The following SPATA31A6 variants were observed in gnomAD, a reference collection of about 807,000 sequenced individuals.
SPATA31A6 encodes SPATA31 subfamily A member 6, also known as spermatogenesis-associated protein 31A6.
A neutral mutation model predicts 11.9 loss-of-function variants in SPATA31A6; 9 were observed. That is an observed-to-expected ratio of 0.76 (90% CI 0.46 to 1.32). The LOEUF is 1.32. SPATA31A6 is among the 40% of genes most tolerant of loss of function. The pLI is 0.00. For synonymous variants in SPATA31A6, 314 were observed against 572.1 expected (o/e 0.55, Z 6.44); for missense variants, 855 against 1,467.3 (o/e 0.58, Z 6.82).
chr9:42,184,931 G>C (rs1228520192), intron 1 of SPATA31A6, 138 bp from the exon 2 acceptor site: 2 of 1,422,174 alleles, frequency 1.4e-6, no homozygotes, highest in Non-Finnish European at 1.9e-6. Context: ...AGAGTCATGC[G>C]GTTCCTGAGT....
chr9:42,184,776 C>T (rs1343403894), intron 1 of SPATA31A6, among the ~76,000 whole-genome samples: 3 of 136,938 alleles, frequency 2.2e-5, no homozygotes, highest in Admixed American at 7.3e-5. Flanking sequence ...GATCAACCCA[C>T]CTTGGCCTCC....
In SPATA31A6 at chr9:42,187,378, A is replaced by C. The variant is rs764104139; in HGVS notation, c.1676A>C (p.Gln559Pro). The change falls in exon 4 of 4, where the codon CAA (glutamine) becomes CCA (proline). Residue 559 changes from glutamine (Q) to proline (P), a missense_variant. By Grantham distance (76) the Gln-to-Pro change is moderately conservative (BLOSUM62 -1). Coordinates refer to ENST00000332857, the MANE Select transcript of SPATA31A6 (RefSeq NM_001145196.1). Reference sequence around the variant, plus strand: ...AGGTTGGCTTTACCCTCTAGGGTCCAAAAATCTCAGGACGTCTTTAGTGTC... The same window carrying C: ...AGGTTGGCTTTACCCTCTAGGGTCCCAAAATCTCAGGACGTCTTTAGTGTC... Reference protein sequence around the residue: ...EGRLALPSRVQKSQDVFSVST... With the variant: ...EGRLALPSRVPKSQDVFSVST... The C allele has an allele frequency of 6.5e-6, 10 of 1,534,246 alleles. 2 individuals carry two copies. The South Asian group carries it at 1.2e-4, about 18-fold the overall frequency.
In SPATA31A6 at chr9:42,187,267, C is replaced by T. The variant is rs1258681889; in HGVS notation, c.1565C>T (p.Pro522Leu). Residue 522 changes from proline (P) to leucine (L), a missense_variant, in exon 4 of 4, where the codon CCT (proline) becomes CTT (leucine). Physicochemically the swap from Pro to Leu is moderately conservative, Grantham distance 98. Transcript: ENST00000332857. ...ATTAAGAACACTGGAGTAGCTTGCC[C>T]TGCATCGCAGAATAAAGTGCAAGCT... ...SLIKNTGVAC[P>L]ASQNKVQALS... is the part of the protein sequence containing the mutation. 4 of 1,542,064 alleles carry T rather than the reference C, an allele frequency of 2.6e-6. No homozygotes were observed. The highest frequency in any genetic ancestry group is 3.5e-5 in the Admixed American group (2 of 57,066).
chr9:42,185,557 G>T (rs1417142218), intron 2 of SPATA31A6, 138 bp from the exon 3 acceptor site: 23 of 1,116,132 alleles, frequency 2.1e-5, no homozygotes, highest in Non-Finnish European at 2.4e-5. Flanking sequence ...TAACGTCGGG[G>T]TCATGTGGCT....
chr9:42,189,370 A>C lies in SPATA31A6; in HGVS notation c.3668A>C (p.His1223Pro). Reference sequence around the variant, plus strand: ...AAGAAAATGTCACTTTGCCATGCGCACCATGCCTCGAAGGTAAATCAGCAC... The same window carrying C: ...AAGAAAATGTCACTTTGCCATGCGCCCCATGCCTCGAAGGTAAATCAGCAC... ...LDKKMSLCHAHHASKVNQHKQ... is the reference protein window; with the variant it reads ...LDKKMSLCHAPHASKVNQHKQ... The change falls in exon 4 of 4, where the codon CAC becomes CCC. Residue 1223 changes from histidine (H) to proline (P), a missense_variant. Physicochemically the swap from His to Pro is moderately conservative, Grantham distance 77. Coordinates refer to ENST00000332857, the MANE Select transcript of SPATA31A6 (RefSeq NM_001145196.1). 6.5e-6 allele frequency: 10 copies of C among 1,538,236 alleles called. 1 individual carries two copies. Among genetic ancestry groups the C allele is most frequent in the Non-Finnish European group, 8.8e-6 (10 of 1,136,474 alleles).
rs1353768803 is a variant in SPATA31A6, at chr9:42,187,162, C to T, written c.1460C>T (p.Pro487Leu). 5 of 1,543,102 alleles carry T rather than the reference C, an allele frequency of 3.2e-6. 1 individual carries two copies. The highest frequency in any genetic ancestry group is 4.4e-6 in the Non-Finnish European group (5 of 1,137,900). The change falls in exon 4 of 4, where the codon CCC (proline) becomes CTC (leucine). Residue 487 changes from proline to leucine, a missense_variant. By Grantham distance (98) the Pro-to-Leu change is moderately conservative. Coordinates refer to ENST00000332857, the MANE Select transcript of SPATA31A6 (RefSeq NM_001145196.1). ...ATTTCATCCACACCCCAATTCCTGC[C>T]CACACCTATGGCTCAGGCCGAGGCT... Reference protein sequence around the residue: ...PFISSTPQFLPTPMAQAEAQA... With the variant: ...PFISSTPQFLLTPMAQAEAQA...
Position 42,186,764 on chromosome 9 carries a change from G to T in SPATA31A6, c.1062G>T (p.Met354Ile), listed in dbSNP as rs1196535574. The T allele has an allele frequency of 6.5e-7, 1 of 1,529,158 alleles. No homozygotes were observed. Among genetic ancestry groups the T allele is most frequent in the South Asian group, 1.1e-5 (1 of 87,352 alleles). 94.7% of individuals were successfully genotyped at this position (1,529,158 alleles called of 1,614,324 possible). ...KENVGSFTNQ[M>I]TPEKHLNSLG... is the part of the protein sequence containing the mutation. ...ATGTTGGATCATTTACAAATCAAAT[G>T]ACCCCAGAAAAGCACTTAAATTCTT... The change falls in exon 4 of 4, where the codon ATG becomes ATT. Residue 354 changes from methionine (M) to isoleucine (I), a missense_variant. Physicochemically the swap from Met to Ile is conservative, Grantham distance 10. Transcript: ENST00000332857.
rs1314440447 is a variant in SPATA31A6 at position 42,189,694 on chromosome 9, A to G, written c.3992A>G (p.His1331Arg). 2.6e-6 allele frequency: 4 copies of G among 1,525,010 alleles called. No individual in the cohort carries two copies. The highest frequency in any genetic ancestry group is 3.5e-6 in the Non-Finnish European group (4 of 1,132,200). The allele number at this position is 1,525,010 out of a possible 1,614,324, so 94.5% of individuals were successfully genotyped here. The change falls in exon 4 of 4, where the codon CAC becomes CGC. Residue 1331 changes from histidine to arginine, a missense_variant. Physicochemically the swap from His to Arg is conservative, Grantham distance 29. Coordinates refer to ENST00000332857, the MANE Select transcript of SPATA31A6 (RefSeq NM_001145196.1). The part of the protein sequence containing the change: ...PKTSGASSHH[H>R]HCPRHCLLWE... The stretch of plus-strand genomic sequence containing the variant: ...ACATCCGGTGCCTCTAGCCACCATC[A>G]CCACTGTCCAAGGCACTGTCTTCTT...
rs1215988708 is a variant in SPATA31A6, at chr9:42,186,948, T to C, written c.1246T>C (p.Phe416Leu). 1.9e-6 allele frequency: 3 copies of C among 1,543,156 alleles called. 1 individual carries two copies. In the Admixed American group the frequency reaches 5.2e-5, roughly 27 times the overall value. Residue 416 changes from phenylalanine (F) to leucine (L), a missense_variant, in exon 4 of 4, where the codon TTC (phenylalanine) becomes CTC (leucine). Coordinates refer to ENST00000332857, the MANE Select transcript of SPATA31A6 (RefSeq NM_001145196.1). ...TTTTTGGAAGAATTATAGCCAGCTT[T>C]TCTGGGGCCTCCCCTCTCTGCACAG... ...ESFWKNYSQL[F>L]WGLPSLHSES... is the part of the protein sequence containing the mutation.
rs1189560694 is a variant in SPATA31A6, at chr9:42,183,956, G to A, written c.189+80G>A. On this transcript the variant is annotated intron_variant, in intron 1 of 3. Coordinates refer to ENST00000332857, the MANE Select transcript of SPATA31A6 (RefSeq NM_001145196.1). Reference sequence around the variant, plus strand: ...TATTAGTTCCACTTTTCCAAATCCAGTGGAGAGCCTTCTATGATGGGAAGT... The same window carrying A: ...TATTAGTTCCACTTTTCCAAATCCAATGGAGAGCCTTCTATGATGGGAAGT... 3.0e-5 allele frequency: 46 copies of A among 1,511,868 alleles called. 10 individuals carry two copies. In the Admixed American group the frequency reaches 5.6e-4, roughly 18 times the overall value. The allele number at this position is 1,511,868 out of a possible 1,614,324, so 93.7% of individuals were successfully genotyped here. A position where few individuals can be genotyped will look rare whatever the true frequency, so the allele number is the denominator to read the frequency against.
chr9:42,189,102 A>G lies in SPATA31A6; in HGVS notation c.3400A>G (p.Lys1134Glu). ...LRTPQLTPVR[K>E]TEDTHQDEGV... ...GACTCCTCAACTTACCCCAGTCAGG[A>G]AAACAGAAGACACCCATCAGGATGA... The change falls in exon 4 of 4, where the codon AAA (lysine) becomes GAA (glutamate). Residue 1134 changes from lysine (K) to glutamate (E), a missense_variant. Lys to Glu is a moderately conservative substitution (Grantham distance 56, BLOSUM62 1). Coordinates refer to ENST00000332857, the MANE Select transcript of SPATA31A6 (RefSeq NM_001145196.1). 1 of 1,546,242 alleles carries G rather than the reference A, an allele frequency of 6.5e-7. No individual in the cohort carries two copies. Among genetic ancestry groups the G allele is most frequent in the Admixed American group, 1.8e-5 (1 of 57,060 alleles).
chr9:42,186,856 T>C lies in SPATA31A6; in HGVS notation c.1154T>C (p.Met385Thr), dbSNP rs1408627274. ...ACAAACCCAAAACCCTTCTGGAACA[T>C]GGGAGAGAACTCGAAACAGCTGCCC... ...DTTNPKPFWN[M>T]GENSKQLPGP... is the part of the protein sequence containing the mutation. Residue 385 changes from methionine to threonine, a missense_variant, in exon 4 of 4, where the codon ATG becomes ACG. Met to Thr is a moderately conservative substitution (Grantham distance 81). Transcript: ENST00000332857. The C allele has an allele frequency of 1.3e-6, 2 of 1,535,802 alleles. 1 individual carries two copies. Among genetic ancestry groups the C allele is most frequent in the African/African-American group, 3.1e-5 (2 of 65,458 alleles).
chr9:42,185,499 T>C (rs1829429784), intron 2 of SPATA31A6, 196 bp from the exon 3 acceptor site: 6 of 987,494 alleles, frequency 6.1e-6, no homozygotes, highest in Non-Finnish European at 7.4e-6. Flanking sequence ...GGTCCGTGTG[T>C]GGAAGCCTGT....
chr9:42,185,550 C>T lies in SPATA31A6; in HGVS notation c.248-145C>T, dbSNP rs1485748659. The stretch of plus-strand genomic sequence containing the variant: ...CCTGTCCTCCATGCCTTGCTATTAA[C>T]GTCGGGGTCATGTGGCTTTGGACAC... On this transcript the variant is annotated intron_variant, in intron 2 of 3. Transcript: ENST00000332857. The T allele has an allele frequency of 2.5e-5, 28 of 1,098,914 alleles. 6 individuals carry two copies. The highest frequency in any genetic ancestry group is 1.4e-4 in the East Asian group (5 of 35,446). 68.1% of individuals were successfully genotyped at this position (1,098,914 alleles called of 1,614,324 possible). A position where few individuals can be genotyped will look rare whatever the true frequency, so the allele number is the denominator to read the frequency against.
In SPATA31A6 at chr9:42,185,848, G is replaced by T. The variant is rs1350261985; in HGVS notation, c.308+93G>T. 5 of 1,235,352 alleles carry T rather than the reference G, an allele frequency of 4.0e-6. 1 individual carries two copies. The African/African-American group carries it at 7.6e-5, about 19-fold the overall frequency. The allele number at this position is 1,235,352 out of a possible 1,614,324, so 76.5% of individuals were successfully genotyped here. A position where few individuals can be genotyped will look rare whatever the true frequency, so the allele number is the denominator to read the frequency against. Reference sequence around the variant, plus strand: ...GCCTGGAGCTGACCTGGGATGGGGAGACCAGGGGGACAGAGGATGGGAGTA... The same window carrying T: ...GCCTGGAGCTGACCTGGGATGGGGATACCAGGGGGACAGAGGATGGGAGTA... On this transcript the variant is annotated intron_variant, in intron 3 of 3. Coordinates refer to ENST00000332857, the MANE Select transcript of SPATA31A6 (RefSeq NM_001145196.1).
At chr9:42,185,029 TC>T in intron 1 of SPATA31A6, 39 bp from the exon 2 acceptor site, 1 of 1,532,596 alleles carries the variant, frequency 6.5e-7, no homozygotes, top group Non-Finnish European at 8.8e-7. Context: ...ATCTTGTCTC[TC>T]CGCGTCATCT....
chr9:42,186,995 C>T lies in SPATA31A6; in HGVS notation c.1293C>T (p.Ala431=), dbSNP rs201562289. 9.0e-4 allele frequency: 1,398 copies of T among 1,546,448 alleles called. 287 individuals carry two copies. The East Asian group carries it at 0.026, about 28-fold the overall frequency. ...ACAGCGAGTCCCTGGTGGCTAACGC[C>T]TGGGTAACTGACAGGTCTTATACTT... ...SLHSESLVAN[A]WVTDRSYTLQ... Residue 431 remains alanine (A), a synonymous_variant, in exon 4 of 4, where the codon GCC becomes GCT. Coordinates refer to ENST00000332857, the MANE Select transcript of SPATA31A6 (RefSeq NM_001145196.1).
chr9:42,183,907 C>A, intron 1 of SPATA31A6, 31 bp downstream of exon 1: 1 of 1,527,288 alleles, frequency 6.5e-7, no homozygotes, highest in Non-Finnish European at 8.8e-7. Context: ...ACCCACAGAG[C>A]TTGATTCTCT....
intron 2 of SPATA31A6, 180 bp from the exon 3 acceptor site, chr9:42,185,515 A>T: frequency 9.3e-7 from 1 of 1,073,460 alleles, no homozygotes; most frequent in Non-Finnish European, 1.3e-6. Flanking sequence ...CCTGTTGTGA[A>T]TGAAAAAGCC....
Sources: allele counts gnomAD v4.1 joint callset (sites outside exome capture counted in the v4.1 genomes callset), GRCh38; gene constraint gnomAD v4.1.1; transcripts MANE v1.5; gene names NCBI Gene and HGNC (gene_info 2026-07-23, HGNC 2026-07-21).